The following LRRC8A variants were observed in gnomAD, a reference collection of about 807,000 sequenced individuals.
The protein encoded by LRRC8A is volume-regulated anion channel subunit LRRC8A.
Under a neutral mutation model 52.5 loss-of-function variants are expected in LRRC8A, and 24 were observed. That is an observed-to-expected ratio of 0.46 (90% CI 0.33 to 0.64). LRRC8A has a LOEUF of 0.64. LRRC8A is among the 30% of genes least tolerant of loss of function. The pLI, the probability that LRRC8A is intolerant of heterozygous loss-of-function variation, is 0.02. For synonymous variants in LRRC8A, 492 were observed against 494.2 expected, an observed-to-expected ratio of 1.00 and a Z score of 0.06; for missense variants, 677 against 1,094.7, an observed-to-expected ratio of 0.62 and a Z score of 5.38.
intron 2 of LRRC8A, among the ~76,000 whole-genome samples, chr9:128,901,143 G>A (rs971761267): frequency 2.0e-5 from 3 of 148,484 alleles, no homozygotes; most frequent in African/African-American, 5.0e-5. Context: ...ACTGCACTCC[G>A]GCCTGGGCGA....
intron 2 of LRRC8A, among the ~76,000 whole-genome samples, chr9:128,903,902 T>TCTGTAATCCC (rs1840132022): frequency 1.3e-5 from 2 of 151,912 alleles, no homozygotes; most frequent in South Asian, 4.1e-4. Flanking sequence ...GTGGCGGGCG[T>TCTGTAATCCC]CTGTAATCCC....
intron 1 of LRRC8A, among the ~76,000 whole-genome samples, chr9:128,885,753 C>G (rs1200842449): frequency 6.6e-6 from 1 of 152,142 alleles, no homozygotes; most frequent in Non-Finnish European, 1.5e-5. Context: ...ACTAAAAATA[C>G]AAAAAATTAG....
At chr9:128,915,634 G>A (rs1840779541) in intron 3 of LRRC8A, among the ~76,000 whole-genome samples, 1 of 152,174 alleles carries the variant, frequency 6.6e-6, no homozygotes, top group African/African-American at 2.4e-5. Context: ...CTAGGGGGTG[G>A]ATTTTCTCAG....
chr9:128,913,789 C>T (rs1840671897), intron 3 of LRRC8A, among the ~76,000 whole-genome samples: 1 of 152,192 alleles, frequency 6.6e-6, no homozygotes, highest in Non-Finnish European at 1.5e-5. Context: ...GAGCCCACTT[C>T]CTGTCTACCC....
chr9:128,887,261 C>T (rs947274930), intron 2 of LRRC8A, among the ~76,000 whole-genome samples: 6 of 152,014 alleles, frequency 3.9e-5, no homozygotes, highest in Non-Finnish European at 7.4e-5. Flanking sequence ...AAGGCTCCAG[C>T]GATCCTCCTG....
rs1840052883 is a variant in LRRC8A at position 128,902,163 on chromosome 9, T to G, written c.-8-4994T>G. ...CTCCACTCCCCAGACACACTCAAAC[T>G]GGAGAGAGGAACCTGAAGCAGAAGT... On this transcript the variant is annotated intron_variant, in intron 2 of 3. Coordinates refer to ENST00000372600, the MANE Select transcript of LRRC8A (RefSeq NM_019594.4). The surrounding 1 kb of genome is among the most constrained non-coding windows in gnomAD (Gnocchi z 4.1). 6.6e-6 allele frequency among the ~76,000 whole-genome samples: 1 copy of G among 152,116 alleles called. No homozygotes were observed. The highest frequency in any genetic ancestry group is 2.4e-5 in the African/African-American group (1 of 41,422).
Position 128,890,550 on chromosome 9 carries a change from T to C in LRRC8A, c.-9+4429T>C, listed in dbSNP as rs139901083. On this transcript the variant is annotated intron_variant, in intron 2 of 3. Coordinates refer to ENST00000372600, the MANE Select transcript of LRRC8A (RefSeq NM_019594.4). ...GGGCGGTGGGCGGGAATCCTGGCCC[T>C]GAAGGGACACCTCGCATCTCCCAGC... Among the ~76,000 whole-genome samples, 155 of 152,212 alleles carry C rather than the reference T, an allele frequency of 1.0e-3. 1 individual carries two copies. The East Asian group carries it at 0.029, about 28-fold the overall frequency.
chr9:128,897,528 C>T (rs747583732), intron 2 of LRRC8A, among the ~76,000 whole-genome samples: 6 of 151,746 alleles, frequency 4.0e-5, no homozygotes, highest in Admixed American at 3.3e-4. Flanking sequence ...ATTCTTGATC[C>T]TTTGAGATCG....
chr9:128,883,012 C>G (rs1307412550), intron 1 of LRRC8A: 1 of 374,852 alleles, frequency 2.7e-6, no homozygotes, highest in South Asian at 1.5e-4. Context: ...GCTTCTTCCC[C>G]TTGATCTGGA....
At chr9:128,884,060 A>T (rs1318739791) in intron 1 of LRRC8A, among the ~76,000 whole-genome samples, 4 of 151,942 alleles carry the variant, frequency 2.6e-5, no homozygotes, top group Non-Finnish European at 5.9e-5. Flanking sequence ...GTGGTTCTCC[A>T]TCCCTTAGGC....
intron 3 of LRRC8A, among the ~76,000 whole-genome samples, chr9:128,912,262 A>G (rs951754091): frequency 1.3e-5 from 2 of 152,148 alleles, no homozygotes; most frequent in Non-Finnish European, 2.9e-5. Context: ...GAATCCAGCT[A>G]TGGAGCAAGG....
intron 3 of LRRC8A, among the ~76,000 whole-genome samples, chr9:128,914,349 A>T (rs957566557): frequency 2.6e-5 from 4 of 151,956 alleles, no homozygotes; most frequent in African/African-American, 9.7e-5. Context: ...CGTGAGGTTG[A>T]GGTCCGAGTC....
chr9:128,889,975 G>T (rs570524255), intron 2 of LRRC8A, among the ~76,000 whole-genome samples: 1 of 151,850 alleles, frequency 6.6e-6, no homozygotes, highest in Non-Finnish European at 1.5e-5. Flanking sequence ...GCTAATTTTT[G>T]TATTTTTAGT....
chr9:128,907,069 G>A lies in LRRC8A; in HGVS notation c.-8-88G>A. ...TGAGGTGGAATTTTGGACAATGGAA[G>A]AATTTTCATTGTCTTCTTCCCCTGA... On this transcript the variant is annotated intron_variant, in intron 2 of 3. Coordinates refer to ENST00000372600, the MANE Select transcript of LRRC8A (RefSeq NM_019594.4). The surrounding 1 kb of genome is among the most constrained non-coding windows in gnomAD (Gnocchi z 9.3). The A allele has an allele frequency of 8.8e-7, 1 of 1,135,960 alleles. No homozygotes were observed. The highest frequency in any genetic ancestry group is 1.3e-6 in the Non-Finnish European group (1 of 796,898). The allele number at this position is 1,135,960 out of a possible 1,614,324, so 70.4% of individuals were successfully genotyped here.
chr9:128,912,912 C>CT (rs1840622011), intron 3 of LRRC8A: 1 of 152,180 alleles, frequency 6.6e-6, no homozygotes, highest in African/African-American at 2.4e-5. Flanking sequence ...GTGACTTGAG[C>CT]TTTTTTTTGT....
chr9:128,907,283 T>C lies in LRRC8A; in HGVS notation c.119T>C (p.Val40Ala). The C allele has an allele frequency of 6.2e-7, 1 of 1,614,044 alleles. No homozygotes were observed. Among genetic ancestry groups the C allele is most frequent in the Non-Finnish European group, 8.5e-7 (1 of 1,180,034 alleles). ...TCTATCGTCATGCTGATGATTGCCG[T>C]CTTCGGGGGGACGCTGCAGGTCACC... is the stretch of plus-strand genomic sequence containing the variant. ...YISIVMLMIA[V>A]FGGTLQVTQD... Residue 40 changes from valine to alanine, a missense_variant, in exon 3 of 4, where the codon GTC becomes GCC. This residue lies in a region of LRRC8A where 32 missense variants were observed against 86.0 expected (regional missense o/e 0.37). Transcript: ENST00000372600. This position sits in a 1 kb window ranked among gnomAD's most constrained non-coding sequence, Gnocchi z 9.3.
chr9:128,911,798 G>A lies in LRRC8A; in HGVS notation c.2157+2477G>A, dbSNP rs1219505594. Among the ~76,000 whole-genome samples, 1 of 152,218 alleles carries A rather than the reference G, an allele frequency of 6.6e-6. No individual in the cohort carries two copies. The highest frequency in any genetic ancestry group is 1.5e-5 in the Non-Finnish European group (1 of 68,042). On this transcript the variant is annotated intron_variant, in intron 3 of 3. Transcript: ENST00000372600. The surrounding 1 kb of genome is among the most constrained non-coding windows in gnomAD (Gnocchi z 4.9). ...TTAGCACATGGCTTAATCACATCCT[G>A]TCCCCACCCCCTGGAACACCAGAGC...
chr9:128,896,286 T>C (rs1475977463), intron 2 of LRRC8A, among the ~76,000 whole-genome samples: 1 of 152,260 alleles, frequency 6.6e-6, no homozygotes, highest in African/African-American at 2.4e-5. Flanking sequence ...AGCATTTCCA[T>C]TGTATGATTA....
At chr9:128,914,210 G>A (rs1050012017) in intron 3 of LRRC8A, among the ~76,000 whole-genome samples, 1 of 39,592 alleles carries the variant, frequency 2.5e-5, no homozygotes, top group African/African-American at 1.1e-4. Context: ...CCCCGCCCCC[G>A]CCCCCCAAAA....
Sources: gnomAD v4.1 joint callset for allele counts (sites outside exome capture counted in the v4.1 genomes callset) on GRCh38, gnomAD v4.1.1 for gene constraint, gnomAD v4.1.1 regional missense constraint, Gnocchi (gnomAD v3.1) non-coding constraint, MANE v1.5 for transcripts, NCBI Gene and HGNC (gene_info 2026-07-23, HGNC 2026-07-21) for gene names.